Variants in DCC observed in about 807,000 individuals in gnomAD.
DCC encodes DCC netrin 1 receptor, also known as netrin receptor DCC.
In DCC, 58 loss-of-function variants were observed where a neutral mutation model predicts 172.5. The observed-to-expected ratio is 0.34, with a 90% CI of 0.27 to 0.42. The LOEUF is 0.42. DCC is among the 10% of genes least tolerant of loss of function. The pLI, the probability that DCC is intolerant of heterozygous loss-of-function variation, is 1.00. For synonymous variants in DCC, 709 were observed against 644.5 expected (o/e 1.10, Z -1.52); for missense variants, 1,740 against 1,791.0 (o/e 0.97, Z 0.51).
chr18:53,336,688 C>T (rs1417785194), intron 14 of DCC, among the ~76,000 whole-genome samples: 1 of 152,114 alleles, frequency 6.6e-6, no homozygotes, highest in African/African-American at 2.4e-5. Flanking sequence ...TCTGTCTCTA[C>T]AAAAACATAA....
intron 2 of DCC, chr18:52,809,329 G>GCAGGCCGCTCCCAAGATGGCGT (rs2038149560): frequency 6.4e-6 from 1 of 157,400 alleles, no homozygotes; most frequent in African/African-American, 2.4e-5. Context: ...CAAGATGGCG[G>GCAGGCCGCTCCCAAGATGGCGT]CAGGCCACTC....
intron 12 of DCC, among the ~76,000 whole-genome samples, chr18:53,241,807 G>A (rs527827330): frequency 1.5e-4 from 23 of 152,234 alleles, no homozygotes; most frequent in African/African-American, 5.5e-4. Context: ...TGTGTGATCT[G>A]CCAGGCAAAG....
At chr18:52,924,969 CT>C (rs1466062690) in intron 4 of DCC, among the ~76,000 whole-genome samples, 2 of 127,244 alleles carry the variant, frequency 1.6e-5, no homozygotes, top group African/African-American at 2.8e-5. Flanking sequence ...ACTAGATTAT[CT>C]ATCATTTTTT....
chr18:53,421,221 A>T (rs1056546242), intron 21 of DCC, among the ~76,000 whole-genome samples: 6 of 152,178 alleles, frequency 3.9e-5, no homozygotes, highest in Non-Finnish European at 8.8e-5. Context: ...ATGTCTTTGT[A>T]TGAAAATCGA....
chr18:53,131,137 G>A (rs1310314709), intron 7 of DCC, among the ~76,000 whole-genome samples: 1 of 151,982 alleles, frequency 6.6e-6, no homozygotes, highest in Admixed American at 6.6e-5. Flanking sequence ...CATCATGAGG[G>A]TTTTGAGGGT....
intron 2 of DCC, among the ~76,000 whole-genome samples, chr18:52,780,541 A>C (rs2037519757): frequency 6.6e-6 from 1 of 152,158 alleles, no homozygotes; most frequent in Non-Finnish European, 1.5e-5. Context: ...TTAGAACTGA[A>C]GACCCCCCAA....
chr18:53,047,270 A>AAT (rs1345842222), intron 5 of DCC, among the ~76,000 whole-genome samples: 2 of 12,360 alleles, frequency 1.6e-4, no homozygotes, highest in Admixed American at 8.0e-4. Context: ...ATATATATAT[A>AAT]TATATATATA....
intron 2 of DCC, among the ~76,000 whole-genome samples, chr18:52,869,134 TGTTA>T (rs1257358422): frequency 6.6e-6 from 1 of 152,246 alleles, no homozygotes; most frequent in Admixed American, 6.5e-5. Flanking sequence ...ATATTTCAAC[TGTTA>T]GTGTTATAGC....
chr18:52,830,903 G>A (rs1047679220), intron 2 of DCC, among the ~76,000 whole-genome samples: 3 of 152,092 alleles, frequency 2.0e-5, no homozygotes, highest in Non-Finnish European at 1.5e-5. Context: ...GAATTTTAAA[G>A]GGAGAAGACA....
intron 12 of DCC, among the ~76,000 whole-genome samples, chr18:53,293,111 G>T (rs1568035624): frequency 6.6e-6 from 1 of 152,166 alleles, no homozygotes; most frequent in Admixed American, 6.5e-5. Context: ...AGATAATGTT[G>T]TAATACATAC....
At chr18:52,802,535 C>T (rs1470928667) in intron 2 of DCC, among the ~76,000 whole-genome samples, 4 of 148,212 alleles carry the variant, frequency 2.7e-5, no homozygotes, top group Admixed American at 6.8e-5. Flanking sequence ...AGGGCAGTGG[C>T]ATGAACAGGG....
At chr18:53,408,602 A>G (rs990831909) in intron 19 of DCC, among the ~76,000 whole-genome samples, 1 of 152,192 alleles carries the variant, frequency 6.6e-6, no homozygotes, top group Non-Finnish European at 1.5e-5. Context: ...GGGCCCATCT[A>G]CATACCGACA....
At chr18:53,064,881 A>T (rs561058192) in intron 6 of DCC, among the ~76,000 whole-genome samples, 1 of 152,304 alleles carries the variant, frequency 6.6e-6, no homozygotes, top group East Asian at 1.9e-4. Flanking sequence ...CACTTAAAGG[A>T]CATTTTTCAG....
intron 1 of DCC, among the ~76,000 whole-genome samples, chr18:52,654,539 G>T (rs2144931608): frequency 6.6e-6 from 1 of 152,238 alleles, no homozygotes; most frequent in South Asian, 2.1e-4. Context: ...CTTATGGATG[G>T]CTACCTTCCT....
chr18:53,413,719 T>C (rs1205494147), intron 20 of DCC, among the ~76,000 whole-genome samples: 2 of 152,222 alleles, frequency 1.3e-5, no homozygotes, highest in Non-Finnish European at 2.9e-5. Context: ...GGTGGTAGTC[T>C]CGTCTTTTTT....
At chr18:52,719,862 T>C (rs1159401999) in intron 1 of DCC, among the ~76,000 whole-genome samples, 1 of 151,966 alleles carries the variant, frequency 6.6e-6, no homozygotes, top group East Asian at 1.9e-4. Flanking sequence ...TAGGATACAG[T>C]GAGCAAGGCC....
At chr18:52,964,604 T>G (rs147203315) in intron 5 of DCC, among the ~76,000 whole-genome samples, 12 of 152,280 alleles carry the variant, frequency 7.9e-5, no homozygotes, top group African/African-American at 2.9e-4. Flanking sequence ...TCTATAACTT[T>G]CTGTCACAGG....
At chr18:53,528,842 C>G (rs2046487782) in intron 28 of DCC, among the ~76,000 whole-genome samples, 1 of 151,744 alleles carries the variant, frequency 6.6e-6, no homozygotes, top group Non-Finnish European at 1.5e-5. Flanking sequence ...TCATGTAAAA[C>G]ACATTTCAGG....
At chr18:53,263,276 G>A (rs868733109) in intron 12 of DCC, among the ~76,000 whole-genome samples, 39 of 151,746 alleles carry the variant, frequency 2.6e-4, no homozygotes, top group Middle Eastern at 3.2e-3. Context: ...CTCAGCCTCC[G>A]GAGTAGCCGG....
Sources: allele counts gnomAD v4.1 joint callset (sites outside exome capture counted in the v4.1 genomes callset), GRCh38; gene constraint gnomAD v4.1.1; transcripts MANE v1.5; gene names NCBI Gene and HGNC (gene_info 2026-07-23, HGNC 2026-07-21).